The following CDK18 variants were observed in gnomAD, a reference collection of about 807,000 sequenced individuals.
The protein encoded by CDK18 is cyclin-dependent kinase 18.
Under a neutral mutation model 62.0 loss-of-function variants are expected in CDK18, and 52 were observed. That is an observed-to-expected ratio of 0.84 (90% CI 0.67 to 1.06). The LOEUF (loss-of-function observed/expected upper bound fraction) is 1.06. Ranked by LOEUF, CDK18 falls within the 50% of genes least tolerant of loss-of-function variation. The probability of loss-of-function intolerance (pLI) is 0.00; values close to 1 mark genes in which losing one functional copy is unlikely to be tolerated. For synonymous variants in CDK18, 237 were observed against 247.0 expected, an observed-to-expected ratio of 0.96 and a Z score of 0.38; for missense variants, 604 against 619.9, an observed-to-expected ratio of 0.97 and a Z score of 0.27.
At chr1:205,518,936 G>T (rs1003868931) in intron 1 of CDK18, among the ~76,000 whole-genome samples, 4 of 152,268 alleles carry the variant, frequency 2.6e-5, no homozygotes, top group African/African-American at 9.6e-5. Context: ...GTTGGCTGGG[G>T]TCTGCCTGCC....
chr1:205,508,642 C>A (rs905560410), intron 1 of CDK18, among the ~76,000 whole-genome samples: 7 of 152,002 alleles, frequency 4.6e-5, no homozygotes, highest in African/African-American at 1.5e-4. Flanking sequence ...CCCAGGAGGT[C>A]GAAACCAGAC....
chr1:205,524,386 A>C lies in CDK18; in HGVS notation c.399+29A>C, dbSNP rs759754384. The C allele has an allele frequency of 3.7e-6, 6 of 1,613,540 alleles. No homozygotes were observed. In the Admixed American group the frequency reaches 8.3e-5, roughly 22 times the overall value. On this transcript the variant is annotated intron_variant, in intron 4 of 15. Coordinates refer to ENST00000429964, the MANE Select transcript of CDK18 (RefSeq NM_212502.3). ...AGTCCCAAGAGGGTCAGAGGACACA[A>C]GGTGGGGTGATATGCCCTCCCCAGC...
At chr1:205,521,393 T>C (rs1668120732) in intron 1 of CDK18, among the ~76,000 whole-genome samples, 2 of 152,162 alleles carry the variant, frequency 1.3e-5, no homozygotes, top group Non-Finnish European at 2.9e-5. Context: ...TTTGTATTTT[T>C]AGTAGAGACA....
At chr1:205,508,883 T>A (rs947111463) in intron 1 of CDK18, among the ~76,000 whole-genome samples, 1 of 150,382 alleles carries the variant, frequency 6.6e-6, no homozygotes, top group Non-Finnish European at 1.5e-5. Flanking sequence ...GTGTGGTGGC[T>A]CATGCCTGTA....
Position 205,526,131 on chromosome 1 carries a change from A to T in CDK18, c.523A>T (p.Ile175Phe). Residue 175 changes from isoleucine (I) to phenylalanine (F), a missense_variant, in exon 6 of 16, where the codon ATC becomes TTC. By Grantham distance (21) the Ile-to-Phe change is conservative. Coordinates refer to ENST00000429964, the MANE Select transcript of CDK18 (RefSeq NM_212502.3). The stretch of plus-strand genomic sequence containing the variant: ...GGAGAACCTTGTGGCCCTGAAAGAG[A>T]TCCGGCTGGAGCACGAGGAGGGAGC... ...LTENLVALKE[I>F]RLEHEEGAPC... 1.9e-6 allele frequency: 3 copies of T among 1,614,088 alleles called. No homozygotes were observed. Among genetic ancestry groups the T allele is most frequent in the Non-Finnish European group, 2.5e-6 (3 of 1,179,972 alleles).
Position 205,514,178 on chromosome 1 carries a change from G to T in CDK18, c.-21-8969G>T, listed in dbSNP as rs58664502. Among the ~76,000 whole-genome samples the T allele has an allele frequency of 5.1e-3, 770 of 152,362 alleles. 8 individuals are homozygous for T. Among genetic ancestry groups the T allele is most frequent in the African/African-American group, 0.018 (729 of 41,576 alleles). ...GTGCCCTGCCTTGGGATGTCAGAAA[G>T]CTGTGGGAGCACAGAAGAGGGACCA... On this transcript the variant is annotated intron_variant, in intron 1 of 15. Coordinates refer to ENST00000429964, the MANE Select transcript of CDK18 (RefSeq NM_212502.3).
Position 205,517,367 on chromosome 1 carries a change from A to G in CDK18, c.-21-5780A>G, listed in dbSNP as rs1221396045. On this transcript the variant is annotated intron_variant, in intron 1 of 15. Transcript: ENST00000429964. The surrounding 1 kb of genome is among the most constrained non-coding windows in gnomAD (Gnocchi z 4.1). ...AGCACCTTGCAATAAGGAAGTCTGC[A>G]GGGATGTTTGATGAAGTTTATATGA... Among the ~76,000 whole-genome samples, 1 of 152,188 alleles carries G rather than the reference A, an allele frequency of 6.6e-6. No homozygotes were observed. The highest frequency in any genetic ancestry group is 6.5e-5 in the Admixed American group (1 of 15,286).
In CDK18 at chr1:205,529,421, C is replaced by A; in HGVS notation, c.1170C>A (p.His390Gln). ...PCYLPQPLIN[H>Q]APRLDTDGIH... is the part of the protein sequence containing the mutation. ...ACCTCCCGCAGCCGCTCATCAACCA[C>A]GCGCCCAGGTAGCCCCTGCGCCCGC... is the stretch of plus-strand genomic sequence containing the variant. The change falls in exon 12 of 16, where the codon CAC becomes CAA. Residue 390 changes from histidine (H) to glutamine (Q), a missense_variant. By Grantham distance (24) the His-to-Gln change is conservative. Coordinates refer to ENST00000429964, the MANE Select transcript of CDK18 (RefSeq NM_212502.3). The A allele has an allele frequency of 6.2e-7, 1 of 1,613,804 alleles. No individual in the cohort carries two copies. The highest frequency in any genetic ancestry group is 8.5e-7 in the Non-Finnish European group (1 of 1,179,848).
chr1:205,506,757 G>A (rs1667325159), intron 1 of CDK18, among the ~76,000 whole-genome samples: 1 of 152,218 alleles, frequency 6.6e-6, no homozygotes, highest in African/African-American at 2.4e-5. Flanking sequence ...GTCCTCAGGA[G>A]AAGAAAGAAT....
At position 205,516,159 on chromosome 1, in the gene CDK18, G is replaced by A. The variant is rs947052078; in HGVS notation, c.-21-6988G>A. On this transcript the variant is annotated intron_variant, in intron 1 of 15. Transcript: ENST00000429964. The surrounding 1 kb of genome is among the most constrained non-coding windows in gnomAD (Gnocchi z 4.8). The stretch of plus-strand genomic sequence containing the variant: ...GCTGTGCAGAACAGGGTCAGCTGGA[G>A]GATGAAGGAAGAGATGGTATCTGCA... Among the ~76,000 whole-genome samples the A allele has an allele frequency of 4.6e-5, 7 of 152,194 alleles. No individual in the cohort carries two copies. The highest frequency in any genetic ancestry group is 1.0e-4 in the Non-Finnish European group (7 of 68,030).
intron 1 of CDK18, among the ~76,000 whole-genome samples, chr1:205,508,678 C>G (rs1437140307): frequency 6.6e-6 from 1 of 152,110 alleles, no homozygotes; most frequent in Non-Finnish European, 1.5e-5. Context: ...GACCCCATCT[C>G]TAAAAAAATA....
At chr1:205,508,699 C>T (rs1030265165) in intron 1 of CDK18, among the ~76,000 whole-genome samples, 2 of 152,122 alleles carry the variant, frequency 1.3e-5, no homozygotes, top group Admixed American at 1.3e-4. Context: ...CAAAAATTAG[C>T]CAGGTGTGGT....
chr1:205,527,805 C>G lies in CDK18; in HGVS notation c.741C>G (p.Phe247Leu). ...MSMHNVKIFMFQLLRGLAYCH... is the reference protein window; with the variant it reads ...MSMHNVKIFMLQLLRGLAYCH... ...TCCCCCTCCCCCAGATTTTCATGTT[C>G]CAGCTGCTCCGGGGCCTCGCCTACT... Residue 247 changes from phenylalanine (F) to leucine (L), a missense_variant, in exon 9 of 16, where the codon TTC becomes TTG. By Grantham distance (22) the Phe-to-Leu change is conservative. Transcript: ENST00000429964. This position sits in a 1 kb window ranked among gnomAD's most constrained non-coding sequence, Gnocchi z 4.1. 6.2e-7 allele frequency: 1 copy of G among 1,613,906 alleles called. No individual in the cohort carries two copies. The highest frequency in any genetic ancestry group is 1.1e-5 in the South Asian group (1 of 91,070).
rs1212873365 is a variant in CDK18 at position 205,516,845 on chromosome 1, G to T, written c.-21-6302G>T. 6.6e-6 allele frequency: 1 copy of T among 152,240 alleles called. No individual in the cohort carries two copies. Among genetic ancestry groups the T allele is most frequent in the African/African-American group, 2.4e-5 (1 of 41,442 alleles). 9.4% of individuals were successfully genotyped at this position (152,240 alleles called of 1,614,324 possible). A position where few individuals can be genotyped will look rare whatever the true frequency, so the allele number is the denominator to read the frequency against. On this transcript the variant is annotated intron_variant, in intron 1 of 15. Transcript: ENST00000429964. The surrounding 1 kb of genome is among the most constrained non-coding windows in gnomAD (Gnocchi z 4.8). The stretch of plus-strand genomic sequence containing the variant: ...AATCGGGGCTTTGTTCAAGAGGAAG[G>T]CAAAGAGGCTTCTTGAAGGGGTTTG...
intron 15 of CDK18, 104 bp from the exon 16 acceptor site, chr1:205,531,240 G>A (rs1668720680): frequency 1.9e-6 from 2 of 1,031,990 alleles, no homozygotes; most frequent in Non-Finnish European, 3.0e-6. Context: ...GCCCTTGCTT[G>A]CTCTGTCAGA....
At chr1:205,523,752 T>G in intron 3 of CDK18, 127 bp downstream of exon 3, 1 of 1,262,774 alleles carries the variant, frequency 7.9e-7, no homozygotes, top group Non-Finnish European at 1.1e-6. Context: ...TCATTAGCTC[T>G]GTGACTTTGA....
In CDK18 at chr1:205,528,609, G is replaced by A. The variant is rs925604073; in HGVS notation, c.975-390G>A. The A allele has an allele frequency of 2.6e-5, 7 of 267,800 alleles. No homozygotes were observed. The South Asian group carries it at 5.1e-4, about 20-fold the overall frequency. 16.6% of individuals were successfully genotyped at this position (267,800 alleles called of 1,614,324 possible). On this transcript the variant is annotated intron_variant, in intron 10 of 15. Transcript: ENST00000429964. This position sits in a 1 kb window ranked among gnomAD's most constrained non-coding sequence, Gnocchi z 4.2. ...CCGCCGGTGGTTATGAATGGCTGCT[G>A]TGACTCCGCCCCAAGGTTCCCCAGG...
intron 1 of CDK18, among the ~76,000 whole-genome samples, chr1:205,513,727 C>T (rs2102279367): frequency 6.6e-6 from 1 of 152,312 alleles, no homozygotes; most frequent in Non-Finnish European, 1.5e-5. Flanking sequence ...GCCACAAGCC[C>T]CTCCGAACCC....
At chr1:205,510,143 C>T (rs376507931) in intron 1 of CDK18, among the ~76,000 whole-genome samples, 2 of 151,980 alleles carry the variant, frequency 1.3e-5, no homozygotes, top group East Asian at 1.9e-4. Flanking sequence ...TTATCATTAT[C>T]GAGGGAAATT....
Sources: gnomAD v4.1 joint callset for allele counts (sites outside exome capture counted in the v4.1 genomes callset) on GRCh38, gnomAD v4.1.1 for gene constraint, Gnocchi (gnomAD v3.1) non-coding constraint, MANE v1.5 for transcripts, NCBI Gene and HGNC (gene_info 2026-07-23, HGNC 2026-07-21) for gene names.